Variants in PRKG1 observed in about 807,000 individuals in gnomAD.
PRKG1 encodes the protein cGMP-dependent protein kinase 1.
A neutral mutation model predicts 88.1 loss-of-function variants in PRKG1; 35 were observed. The observed-to-expected ratio is 0.40, with a 90% CI of 0.30 to 0.53. The LOEUF is 0.53. PRKG1 is among the 20% of genes least tolerant of loss of function. The pLI is 0.59. For synonymous variants in PRKG1, 303 were observed against 292.5 expected, an observed-to-expected ratio of 1.04 and a Z score of -0.37; for missense variants, 540 against 839.8, an observed-to-expected ratio of 0.64 and a Z score of 4.41.
intron 1 of PRKG1, among the ~76,000 whole-genome samples, chr10:51,149,352 A>G (rs1210007546): frequency 1.3e-5 from 2 of 152,154 alleles, no homozygotes; most frequent in East Asian, 3.8e-4. Context: ...CCTATTTATT[A>G]ACAGTGAATA....
chr10:51,481,947 T>A (rs73338049), intron 3 of PRKG1, among the ~76,000 whole-genome samples: 361 of 151,710 alleles, frequency 2.4e-3, no homozygotes, highest in African/African-American at 8.2e-3. Context: ...ACCATGATAA[T>A]TTTTTTTTAG....
chr10:51,269,132 C>A (rs1379135586), intron 2 of PRKG1, among the ~76,000 whole-genome samples: 4 of 152,184 alleles, frequency 2.6e-5, no homozygotes, highest in Non-Finnish European at 4.4e-5. Context: ...CTCAACATCA[C>A]TAATTATCAG....
chr10:51,235,686 C>G (rs1285782601), intron 2 of PRKG1, among the ~76,000 whole-genome samples: 1 of 151,946 alleles, frequency 6.6e-6, no homozygotes, highest in Non-Finnish European at 1.5e-5. Flanking sequence ...TCTGATAGAA[C>G]AAGTGACAGG....
At chr10:51,729,287 G>T (rs559956633) in intron 3 of PRKG1, among the ~76,000 whole-genome samples, 2 of 152,254 alleles carry the variant, frequency 1.3e-5, no homozygotes, top group South Asian at 4.1e-4. Flanking sequence ...GCATGAAAAA[G>T]TTTCCAAAGT....
At chr10:51,977,914 G>A (rs1427148858) in intron 5 of PRKG1, among the ~76,000 whole-genome samples, 1 of 151,962 alleles carries the variant, frequency 6.6e-6, no homozygotes, top group Non-Finnish European at 1.5e-5. Flanking sequence ...CTCCCATTCT[G>A]TCGGTTGTCT....
intron 5 of PRKG1, among the ~76,000 whole-genome samples, chr10:51,936,720 A>T (rs1220390475): frequency 6.6e-6 from 1 of 151,988 alleles, no homozygotes; most frequent in Non-Finnish European, 1.5e-5. Flanking sequence ...CTTAAAAACA[A>T]TTTTTTTAAA....
chr10:51,553,237 A>G lies in PRKG1; in HGVS notation c.592+85401A>G, dbSNP rs182383231. 5.0e-3 allele frequency among the ~76,000 whole-genome samples: 756 copies of G among 151,854 alleles called. 7 individuals are homozygous for G. The highest frequency in any genetic ancestry group is 7.4e-3 in the Non-Finnish European group (501 of 67,720). ...CAGGAAGGAGAAGCAATAATGAATGATAAAAGCTGTAACTCCCTTCACTAG... is the reference window on the plus strand; with the variant it reads ...CAGGAAGGAGAAGCAATAATGAATGGTAAAAGCTGTAACTCCCTTCACTAG... On this transcript the variant is annotated intron_variant, in intron 3 of 17. Transcript: ENST00000373980.
At chr10:52,106,581 T>TC in intron 7 of PRKG1, among the ~76,000 whole-genome samples, 1 of 151,918 alleles carries the variant, frequency 6.6e-6, no homozygotes, top group African/African-American at 2.4e-5. Context: ...TCACAGATGG[T>TC]CCTCATGGGA....
chr10:51,588,365 A>G (rs1295689411), intron 3 of PRKG1, among the ~76,000 whole-genome samples: 1 of 21,570 alleles, frequency 4.6e-5, no homozygotes, highest in Non-Finnish European at 1.3e-4. Context: ...AAATTTAAAT[A>G]TAAAAAGGCC....
At chr10:51,896,210 C>G (rs1372467559) in intron 4 of PRKG1, among the ~76,000 whole-genome samples, 1 of 152,110 alleles carries the variant, frequency 6.6e-6, no homozygotes, top group African/African-American at 2.4e-5. Context: ...ATCTGATGTA[C>G]TAGAAATTTG....
In PRKG1 at chr10:51,990,157, G is replaced by A. The variant is rs115941461; in HGVS notation, c.763-64327G>A. Among the ~76,000 whole-genome samples, 1,194 of 152,024 alleles carry A rather than the reference G, an allele frequency of 7.9e-3. 23 individuals are homozygous for A. The highest frequency in any genetic ancestry group is 0.027 in the African/African-American group (1,140 of 41,500). On this transcript the variant is annotated intron_variant, in intron 5 of 17. Coordinates refer to ENST00000373980, the MANE Select transcript of PRKG1 (RefSeq NM_006258.4). ...GCCCTAAATGCATAAATTTATTTCT[G>A]GGCTTTCTGTAATATTCTGTTATAT...
intron 2 of PRKG1, among the ~76,000 whole-genome samples, chr10:51,280,008 G>T (rs1243412776): frequency 6.6e-6 from 1 of 152,184 alleles, no homozygotes; most frequent in Non-Finnish European, 1.5e-5. Flanking sequence ...GCAGTGGCTG[G>T]TACTGGTTGT....
At chr10:51,743,737 A>AATATATATAT (rs369411662) in intron 3 of PRKG1, among the ~76,000 whole-genome samples, 28 of 40,356 alleles carry the variant, frequency 6.9e-4, no homozygotes, top group Non-Finnish European at 9.2e-4. Context: ...ATATAAACTA[A>AATATATATAT]ATATATATAT....
intron 4 of PRKG1, among the ~76,000 whole-genome samples, chr10:51,846,345 G>A (rs1015976402): frequency 3.9e-5 from 6 of 152,118 alleles, no homozygotes; most frequent in African/African-American, 1.4e-4. Context: ...ACCAATCCTT[G>A]ATTATATGTT....
At chr10:52,193,548 CA>C (rs34730000) in intron 9 of PRKG1, among the ~76,000 whole-genome samples, 23 of 42,822 alleles carry the variant, frequency 5.4e-4, no homozygotes, top group South Asian at 1.5e-3. Flanking sequence ...GACTCTGTCT[CA>C]AAAAAAAAAA....
At chr10:51,104,605 C>T (rs1193328229) in intron 1 of PRKG1, among the ~76,000 whole-genome samples, 2 of 152,126 alleles carry the variant, frequency 1.3e-5, no homozygotes, top group African/African-American at 2.4e-5. Flanking sequence ...CTGCCACCTC[C>T]ACCTCCTAGG....
At chr10:51,593,757 G>T (rs1288251877) in intron 3 of PRKG1, among the ~76,000 whole-genome samples, 1 of 151,562 alleles carries the variant, frequency 6.6e-6, no homozygotes, top group Non-Finnish European at 1.5e-5. Context: ...CGGAGTCTCG[G>T]TCTGTCACCC....
chr10:51,679,769 T>A (rs1840800458), intron 3 of PRKG1, among the ~76,000 whole-genome samples: 1 of 140,746 alleles, frequency 7.1e-6, no homozygotes, highest in Non-Finnish European at 1.5e-5. Context: ...CATGTGCACA[T>A]TGTGCAGGTT....
intron 2 of PRKG1, among the ~76,000 whole-genome samples, chr10:51,357,310 A>G (rs1842386874): frequency 6.6e-6 from 1 of 151,978 alleles, no homozygotes; most frequent in African/African-American, 2.4e-5. Flanking sequence ...TGACCAAGGA[A>G]GTAGTATTGA....
Sources: gnomAD v4.1 joint callset for allele counts (sites outside exome capture counted in the v4.1 genomes callset) on GRCh38, gnomAD v4.1.1 for gene constraint, MANE v1.5 for transcripts, NCBI Gene and HGNC (gene_info 2026-07-23, HGNC 2026-07-21) for gene names.